FLI1: variants seen among roughly 807,000 people sequenced by gnomAD.
FLI1 encodes Friend leukemia integration 1 transcription factor.
In FLI1, 13 loss-of-function variants were observed where a neutral mutation model predicts 53.1. That is an observed-to-expected ratio of 0.24 (90% CI 0.16 to 0.39). The LOEUF is 0.39. FLI1 is among the 10% of genes least tolerant of loss of function. FLI1 has a pLI of 1.00. For synonymous variants in FLI1, 244 were observed against 236.7 expected, an observed-to-expected ratio of 1.03 and a Z score of -0.28; for missense variants, 424 against 600.5, an observed-to-expected ratio of 0.71 and a Z score of 3.07.
intron 1 of FLI1, among the ~76,000 whole-genome samples, chr11:128,714,748 C>T (rs1041173970): frequency 2.4e-5 from 3 of 125,340 alleles, no homozygotes; most frequent in African/African-American, 9.3e-5. Flanking sequence ...CTTGCTCTGT[C>T]ACCAGGCTGG....
At chr11:128,696,408 A>T (rs1395543327) in intron 1 of FLI1, among the ~76,000 whole-genome samples, 4 of 152,140 alleles carry the variant, frequency 2.6e-5, no homozygotes, top group Admixed American at 2.6e-4. Context: ...TCCTGTTCCC[A>T]CAATAGTTCA....
intron 5 of FLI1, among the ~76,000 whole-genome samples, chr11:128,792,134 T>C (rs897533297): frequency 6.6e-5 from 10 of 152,194 alleles, no homozygotes; most frequent in Admixed American, 2.0e-4. Flanking sequence ...TTTACCTGAA[T>C]CACAGGTATG....
At chr11:128,712,696 A>G (rs1385159316) in intron 1 of FLI1, among the ~76,000 whole-genome samples, 1 of 152,204 alleles carries the variant, frequency 6.6e-6, no homozygotes, top group Non-Finnish European at 1.5e-5. Flanking sequence ...AGAACAGCAC[A>G]GGAAAGACCC....
chr11:128,743,534 T>C (rs568237555), intron 1 of FLI1, among the ~76,000 whole-genome samples: 13 of 152,156 alleles, frequency 8.5e-5, no homozygotes, highest in African/African-American at 2.9e-4. Context: ...TCTCAGGGCA[T>C]GTCCACCTGG....
intron 5 of FLI1, among the ~76,000 whole-genome samples, chr11:128,796,586 GTTCTTT>G (rs1942450646): frequency 6.6e-6 from 1 of 152,210 alleles, no homozygotes; most frequent in South Asian, 2.1e-4. Flanking sequence ...AGACTTGATG[GTTCTTT>G]TTCTTTTAAC....
intron 1 of FLI1, among the ~76,000 whole-genome samples, chr11:128,745,526 C>T (rs1940342614): frequency 6.6e-6 from 1 of 152,224 alleles, no homozygotes; most frequent in South Asian, 2.1e-4. Flanking sequence ...ACCCTCAGGA[C>T]CTGCTTCCTG....
intron 1 of FLI1, among the ~76,000 whole-genome samples, chr11:128,732,416 T>C (rs922379972): frequency 2.0e-5 from 3 of 152,222 alleles, no homozygotes; most frequent in Non-Finnish European, 2.9e-5. Flanking sequence ...ATGTGACAAA[T>C]AGTTTTGGAG....
chr11:128,805,872 T>C (rs940579678), intron 6 of FLI1: 7 of 154,608 alleles, frequency 4.5e-5, no homozygotes, highest in South Asian at 2.0e-4. Flanking sequence ...GGTGGAGAAA[T>C]TGATGTCTCA....
chr11:128,809,528 A>G (rs1225616516), intron 8 of FLI1, among the ~76,000 whole-genome samples: 1 of 152,084 alleles, frequency 6.6e-6, no homozygotes, highest in Non-Finnish European at 1.5e-5. Context: ...AAAGAAGACA[A>G]CTCCACTCAG....
intron 5 of FLI1, among the ~76,000 whole-genome samples, chr11:128,795,158 A>G (rs1288015512): frequency 6.6e-6 from 1 of 152,250 alleles, no homozygotes; most frequent in African/African-American, 2.4e-5. Context: ...TAAAGAAAAG[A>G]TGGTAAAATT....
At chr11:128,737,699 G>C (rs1939964959) in intron 1 of FLI1, among the ~76,000 whole-genome samples, 1 of 152,194 alleles carries the variant, frequency 6.6e-6, no homozygotes, top group Non-Finnish European at 1.5e-5. Context: ...GCTTATTGAG[G>C]TACCTAAGAT....
chr11:128,698,670 A>G (rs1938188823), intron 1 of FLI1, among the ~76,000 whole-genome samples: 1 of 151,186 alleles, frequency 6.6e-6, no homozygotes, highest in African/African-American at 2.4e-5. Context: ...TTACATTTTT[A>G]TGAATTATAG....
At chr11:128,729,710 A>C (rs574404551) in intron 1 of FLI1, among the ~76,000 whole-genome samples, 17 of 152,314 alleles carry the variant, frequency 1.1e-4, no homozygotes, top group African/African-American at 4.1e-4. Flanking sequence ...GATGGCAACC[A>C]GATCATTCAC....
At chr11:128,765,005 A>G (rs2135824599) in intron 2 of FLI1, among the ~76,000 whole-genome samples, 1 of 151,656 alleles carries the variant, frequency 6.6e-6, no homozygotes, top group African/African-American at 2.4e-5. Flanking sequence ...GCGAGCGGCC[A>G]AACCGATCAC....
chr11:128,782,715 T>C (rs1941957008), intron 5 of FLI1, among the ~76,000 whole-genome samples: 1 of 152,102 alleles, frequency 6.6e-6, no homozygotes, highest in South Asian at 2.1e-4. Flanking sequence ...ATTTTAGCGA[T>C]GTCAATTCAT....
Sources: allele counts gnomAD v4.1 joint callset (sites outside exome capture counted in the v4.1 genomes callset), GRCh38; gene constraint gnomAD v4.1.1; transcripts MANE v1.5; gene names NCBI Gene and HGNC (gene_info 2026-07-23, HGNC 2026-07-21).